AIG1: variants seen among roughly 807,000 people sequenced by gnomAD.
The protein encoded by AIG1 is androgen induced 1.
A neutral mutation model predicts 31.4 loss-of-function variants in AIG1; 23 were observed. The ratio of observed to expected loss-of-function variants is 0.73; its 90% CI spans 0.53 to 1.04. AIG1 has a LOEUF of 1.04. Among genes scored for constraint, AIG1 ranks in the 50% least tolerant of loss-of-function variants. The pLI is 0.00. For synonymous variants in AIG1, 100 were observed against 110.5 expected, an observed-to-expected ratio of 0.90 and a Z score of 0.60; for missense variants, 274 against 295.0, an observed-to-expected ratio of 0.93 and a Z score of 0.52.
intron 1 of AIG1, among the ~76,000 whole-genome samples, chr6:143,130,024 G>C (rs900534630): frequency 6.7e-6 from 1 of 149,902 alleles, no homozygotes; most frequent in Non-Finnish European, 1.5e-5. Context: ...TCTGCCTCCT[G>C]GGTTCAAGTG....
At chr6:143,156,400 A>G (rs1354161868) in intron 2 of AIG1, among the ~76,000 whole-genome samples, 1 of 152,242 alleles carries the variant, frequency 6.6e-6, no homozygotes, top group Non-Finnish European at 1.5e-5. Context: ...ACCTAATTTC[A>G]TAGAATAATG....
At chr6:143,289,420 C>G (rs975749067) in intron 4 of AIG1, among the ~76,000 whole-genome samples, 1 of 152,074 alleles carries the variant, frequency 6.6e-6, no homozygotes, top group African/African-American at 2.4e-5. Context: ...GGAGAGGGTA[C>G]AATTAGGCAT....
chr6:143,306,695 C>T (rs1350208327), intron 4 of AIG1, among the ~76,000 whole-genome samples: 7 of 151,654 alleles, frequency 4.6e-5, no homozygotes, highest in Admixed American at 2.0e-4. Flanking sequence ...TTGCTCTTCT[C>T]GAGGAGTATC....
chr6:143,341,068 CTCTG>C (rs1408284603), downstream of AIG1, among the ~76,000 whole-genome samples: 2 of 152,152 alleles, frequency 1.3e-5, no homozygotes, highest in East Asian at 1.9e-4. Context: ...CCTTCCGTCT[CTCTG>C]TCTCTCTCTT....
chr6:143,222,259 A>T (rs1202803464), intron 3 of AIG1, among the ~76,000 whole-genome samples: 2 of 152,152 alleles, frequency 1.3e-5, no homozygotes, highest in African/African-American at 4.8e-5. Context: ...GAACATCAGG[A>T]AAGGACCCTC....
intron 1 of AIG1, among the ~76,000 whole-genome samples, chr6:143,120,455 T>A (rs1413482750): frequency 6.6e-6 from 1 of 152,092 alleles, no homozygotes; most frequent in Non-Finnish European, 1.5e-5. Context: ...AGGCCTCACA[T>A]TCATGATGGA....
At chr6:143,062,723 CT>C (rs1361995675) in intron 1 of AIG1, among the ~76,000 whole-genome samples, 2 of 152,148 alleles carry the variant, frequency 1.3e-5, no homozygotes, top group Non-Finnish European at 2.9e-5. Flanking sequence ...AAAGATGTCC[CT>C]TTTTCAAGTG....
intron 2 of AIG1, among the ~76,000 whole-genome samples, chr6:143,152,527 G>T (rs548459085): frequency 6.6e-6 from 1 of 152,142 alleles, no homozygotes; most frequent in Non-Finnish European, 1.5e-5. Flanking sequence ...TCTTATGTGA[G>T]GTTTATGGAT....
chr6:143,073,559 A>G (rs1024765815), intron 1 of AIG1, among the ~76,000 whole-genome samples: 4 of 152,078 alleles, frequency 2.6e-5, no homozygotes, highest in South Asian at 2.1e-4. Context: ...TGACGTTTTG[A>G]TAATAGCCAT....
chr6:143,139,577 C>T (rs1295829231), intron 2 of AIG1, among the ~76,000 whole-genome samples: 1 of 152,018 alleles, frequency 6.6e-6, no homozygotes, highest in Admixed American at 6.5e-5. Context: ...CATAATCATC[C>T]CTGTTACTGT....
At chr6:143,154,940 C>T (rs1236314043) in intron 2 of AIG1, among the ~76,000 whole-genome samples, 1 of 146,260 alleles carries the variant, frequency 6.8e-6, no homozygotes, top group African/African-American at 2.5e-5. Flanking sequence ...CTCTACCTTC[C>T]AGATTCAAGT....
chr6:143,066,403 G>C (rs1469886822), intron 1 of AIG1, among the ~76,000 whole-genome samples: 1 of 151,920 alleles, frequency 6.6e-6, no homozygotes, highest in Non-Finnish European at 1.5e-5. Flanking sequence ...CTCCCGAGTA[G>C]CTGGGATTAC....
intron 5 of AIG1, among the ~76,000 whole-genome samples, chr6:143,336,168 GT>G (rs1463737322): frequency 2.0e-5 from 3 of 152,126 alleles, no homozygotes; most frequent in African/African-American, 7.2e-5. Flanking sequence ...TTTCACATCA[GT>G]TACTATACAA....
At chr6:143,278,660 G>T (rs1337401379) in intron 3 of AIG1, among the ~76,000 whole-genome samples, 1 of 151,658 alleles carries the variant, frequency 6.6e-6, no homozygotes, top group African/African-American at 2.4e-5. Context: ...GTAGAGACGG[G>T]GTTTCGCCAA....
chr6:143,225,286 T>C (rs1227402705), intron 3 of AIG1, among the ~76,000 whole-genome samples: 1 of 152,192 alleles, frequency 6.6e-6, no homozygotes, highest in African/African-American at 2.4e-5. Context: ...TTTTTTATAT[T>C]GTAGTTGATC....
chr6:143,173,686 G>A (rs1178448166), intron 3 of AIG1, among the ~76,000 whole-genome samples: 1 of 152,052 alleles, frequency 6.6e-6, no homozygotes, highest in Non-Finnish European at 1.5e-5. Flanking sequence ...TCATATATTT[G>A]CATGGTTTTG....
chr6:143,204,647 G>A (rs1031008239), intron 3 of AIG1, among the ~76,000 whole-genome samples: 1 of 152,116 alleles, frequency 6.6e-6, no homozygotes, highest in Non-Finnish European at 1.5e-5. Context: ...TCAGTGGAAG[G>A]AGTAGCAAAG....
chr6:143,131,895 G>A (rs757707884), intron 1 of AIG1, among the ~76,000 whole-genome samples: 4 of 152,178 alleles, frequency 2.6e-5, no homozygotes, highest in Non-Finnish European at 5.9e-5. Context: ...TTGTTATGCA[G>A]CAATGGACAA....
At chr6:143,098,325 T>C (rs892317595) in intron 1 of AIG1, among the ~76,000 whole-genome samples, 12 of 152,340 alleles carry the variant, frequency 7.9e-5, no homozygotes, top group Non-Finnish European at 1.6e-4. Context: ...GCCTAGTAAA[T>C]AACCTTCTTT....
Sources: allele counts gnomAD v4.1 joint callset (sites outside exome capture counted in the v4.1 genomes callset), GRCh38; gene constraint gnomAD v4.1.1; transcripts MANE v1.5; gene names NCBI Gene and HGNC (gene_info 2026-07-23, HGNC 2026-07-21).